The following RANBP2 variants were observed in gnomAD, a reference collection of about 807,000 sequenced individuals.
RANBP2 encodes E3 SUMO-protein ligase RanBP2.
Under a neutral mutation model 303.6 loss-of-function variants are expected in RANBP2, and 57 were observed. That is an observed-to-expected ratio of 0.19 (90% confidence interval 0.15 to 0.23). The LOEUF is 0.23. Among genes scored for constraint, RANBP2 ranks in the 10% least tolerant of loss-of-function variants. The pLI is 1.00. For synonymous variants in RANBP2, 1,167 were observed against 1,301.5 expected, an observed-to-expected ratio of 0.90 and a Z score of 2.23; for missense variants, 3,138 against 3,780.8, an observed-to-expected ratio of 0.83 and a Z score of 4.46.
At chr2:109,604,340 AG>A in the RANBP2 span, among the ~76,000 whole-genome samples, 1 of 103,572 alleles carries the variant, frequency 9.7e-6, no homozygotes, top group Non-Finnish European at 2.1e-5. Flanking sequence ...GGGACCCCAT[AG>A]AAAGAAAGAA....
chr2:109,300,251 G>T, the RANBP2 span, among the ~76,000 whole-genome samples: 1 of 152,150 alleles, frequency 6.6e-6, no homozygotes, highest in Non-Finnish European at 1.5e-5. Context: ...CCAGGCTGGA[G>T]TGCAGTGAAC....
At chr2:108,830,934 G>A in the RANBP2 span, among the ~76,000 whole-genome samples, 1 of 152,114 alleles carries the variant, frequency 6.6e-6, no homozygotes, top group African/African-American at 2.4e-5. Flanking sequence ...CAGCACTTTG[G>A]GATGCCGAGG....
At chr2:108,741,174 A>G (rs1696048036) in intron 7 of RANBP2, among the ~76,000 whole-genome samples, 1 of 152,054 alleles carries the variant, frequency 6.6e-6, no homozygotes, top group Admixed American at 6.6e-5. Context: ...TTAATCTTTG[A>G]AAACATAAAA....
chr2:109,604,299 C>T, the RANBP2 span, among the ~76,000 whole-genome samples: 3 of 139,168 alleles, frequency 2.2e-5, no homozygotes, highest in Non-Finnish European at 4.6e-5. Flanking sequence ...GTTGAGACTG[C>T]GCCACTGCAC....
At chr2:109,548,482 CTA>C in the RANBP2 span, among the ~76,000 whole-genome samples, 1 of 152,078 alleles carries the variant, frequency 6.6e-6, no homozygotes, top group Non-Finnish European at 1.5e-5. Context: ...CAGCGCCTGG[CTA>C]TGTTATCTTT....
At chr2:109,253,062 C>T in the RANBP2 span, among the ~76,000 whole-genome samples, 12 of 151,900 alleles carry the variant, frequency 7.9e-5, no homozygotes, top group Non-Finnish European at 1.0e-4. Context: ...GAGTCTTGCT[C>T]TGTTGCCCAG....
the RANBP2 span, among the ~76,000 whole-genome samples, chr2:108,990,164 G>C: frequency 6.6e-6 from 1 of 152,106 alleles, no homozygotes; most frequent in East Asian, 1.9e-4. Flanking sequence ...GGGCGCGGTG[G>C]CTCACGCCTG....
At chr2:109,347,610 A>G in the RANBP2 span, 2 of 1,567,964 alleles carry the variant, frequency 1.3e-6, no homozygotes, top group South Asian at 1.2e-5. Context: ...CTGCCCCGGC[A>G]GATCCACTGT....
chr2:108,741,570 A>G (rs1696094681), intron 7 of RANBP2, among the ~76,000 whole-genome samples: 4 of 125,366 alleles, frequency 3.2e-5, no homozygotes, highest in South Asian at 5.2e-4. Flanking sequence ...CAGTGGCACG[A>G]TCTCGGCTCC....
At chr2:109,219,531 A>G in the RANBP2 span, among the ~76,000 whole-genome samples, 1 of 152,210 alleles carries the variant, frequency 6.6e-6, no homozygotes, top group Non-Finnish European at 1.5e-5. Context: ...TTTGCAGATG[A>G]TACGATCTTA....
chr2:109,614,302 G>GT, the RANBP2 span: 3 of 605,488 alleles, frequency 5.0e-6, no homozygotes, highest in African/African-American at 5.8e-5. Flanking sequence ...CGGGGCGGGG[G>GT]TGCGGGGGGC....
At chr2:109,557,637 A>G in the RANBP2 span, among the ~76,000 whole-genome samples, 3 of 152,190 alleles carry the variant, frequency 2.0e-5, no homozygotes, top group African/African-American at 7.2e-5. Flanking sequence ...GACAATGTAA[A>G]CTTACAAGGC....
the RANBP2 span, among the ~76,000 whole-genome samples, chr2:109,068,700 G>A: frequency 9.2e-5 from 14 of 152,152 alleles, no homozygotes; most frequent in Non-Finnish European, 2.9e-5. Flanking sequence ...CCCCAGGTTG[G>A]CCATTATGAG....
At chr2:109,033,283 G>C in the RANBP2 span, among the ~76,000 whole-genome samples, 1 of 152,158 alleles carries the variant, frequency 6.6e-6, no homozygotes, top group Non-Finnish European at 1.5e-5. Context: ...GACTCCTTTT[G>C]TGAAACAGAG....
chr2:109,398,723 CA>C, the RANBP2 span: 5 of 1,613,046 alleles, frequency 3.1e-6, no homozygotes, highest in South Asian at 1.1e-5. Flanking sequence ...TTAAGCAGCT[CA>C]GGGGCGGTCA....
intron 18 of RANBP2, among the ~76,000 whole-genome samples, chr2:108,761,301 C>G (rs1158007440): frequency 6.6e-6 from 1 of 151,110 alleles, no homozygotes; most frequent in Non-Finnish European, 1.5e-5. Context: ...TTCTGGCTAG[C>G]CTTTTCTAGG....
chr2:109,333,570 T>C, the RANBP2 span, among the ~76,000 whole-genome samples: 1 of 152,218 alleles, frequency 6.6e-6, no homozygotes, highest in Non-Finnish European at 1.5e-5. Flanking sequence ...TTACATGGAA[T>C]CTCTGGAGCT....
the RANBP2 span, chr2:108,930,332 G>GACC: frequency 6.6e-7 from 1 of 1,517,538 alleles, no homozygotes; most frequent in Non-Finnish European, 9.1e-7. Context: ...TAGGAAGGGG[G>GACC]TGCCCTGCGG....
At chr2:108,961,802 G>C in the RANBP2 span, among the ~76,000 whole-genome samples, 20 of 152,236 alleles carry the variant, frequency 1.3e-4, no homozygotes, top group African/African-American at 4.6e-4. Context: ...CTGCTCTCTC[G>C]TGACCTGAGC....
Sources: gnomAD v4.1 joint callset for allele counts (sites outside exome capture counted in the v4.1 genomes callset) on GRCh38, gnomAD v4.1.1 for gene constraint, MANE v1.5 for transcripts, NCBI Gene and HGNC (gene_info 2026-07-23, HGNC 2026-07-21) for gene names.